The following CACNA2D1 variants were observed in gnomAD, a reference collection of about 807,000 sequenced individuals.
CACNA2D1 encodes calcium voltage-gated channel auxiliary subunit alpha2delta 1, also known as voltage-dependent calcium channel subunit alpha-2/delta-1.
CACNA2D1 carries 53 observed loss-of-function variants against 171.5 expected under a neutral mutation model. The observed-to-expected ratio is 0.31, with a 90% CI of 0.25 to 0.39. CACNA2D1 has a LOEUF of 0.39. CACNA2D1 is among the 10% of genes least tolerant of loss of function. CACNA2D1 has a pLI of 1.00. For missense variants in CACNA2D1, 903 were observed against 1,299.8 expected (o/e 0.69, Z 4.69); for synonymous variants, 442 against 443.1 (o/e 1.00, Z 0.03).
intron 1 of CACNA2D1, among the ~76,000 whole-genome samples, chr7:82,416,999 T>A (rs1237960760): frequency 2.0e-5 from 3 of 152,178 alleles, no homozygotes; most frequent in Admixed American, 6.5e-5. Flanking sequence ...GAAAGAGTGA[T>A]CCAGCATATG....
At chr7:82,209,554 C>T (rs1346348935) in intron 3 of CACNA2D1, among the ~76,000 whole-genome samples, 1 of 152,054 alleles carries the variant, frequency 6.6e-6, no homozygotes, top group Non-Finnish European at 1.5e-5. Context: ...TCATAAGCAG[C>T]CCCATGAATA....
At chr7:82,018,555 G>A (rs945092152) in intron 12 of CACNA2D1, among the ~76,000 whole-genome samples, 1 of 151,914 alleles carries the variant, frequency 6.6e-6, no homozygotes, top group Non-Finnish European at 1.5e-5. Context: ...CAACTTTTTA[G>A]GCAAAATATA....
intron 10 of CACNA2D1, chr7:82,050,457 T>C (rs182539350): frequency 7.9e-6 from 5 of 634,004 alleles, no homozygotes; most frequent in African/African-American, 5.5e-5. Context: ...AGGGGTCACC[T>C]GCATAGGTAG....
chr7:82,410,648 G>A (rs145070151), intron 1 of CACNA2D1: 97 of 294,390 alleles, frequency 3.3e-4, no homozygotes, highest in African/African-American at 1.5e-3. Context: ...GAGCAGGCGC[G>A]TAAGGGCAAA....
At chr7:82,228,671 A>T (rs759892480) in intron 3 of CACNA2D1, among the ~76,000 whole-genome samples, 2 of 152,164 alleles carry the variant, frequency 1.3e-5, no homozygotes, top group South Asian at 4.1e-4. Context: ...CCTACCTCAC[A>T]GGGTGGTGGT....
intron 3 of CACNA2D1, among the ~76,000 whole-genome samples, chr7:82,211,495 T>C (rs1020866793): frequency 2.0e-5 from 3 of 152,218 alleles, no homozygotes; most frequent in African/African-American, 7.2e-5. Context: ...TCACTTAGGA[T>C]AATGGCTGCC....
chr7:82,401,385 G>GA (rs1826390513), intron 1 of CACNA2D1, among the ~76,000 whole-genome samples: 2 of 150,200 alleles, frequency 1.3e-5, no homozygotes, highest in African/African-American at 4.9e-5. Context: ...CATAAAAAAT[G>GA]ATGAGTTCAT....
At chr7:82,361,273 G>GT (rs1221979134) in intron 1 of CACNA2D1, among the ~76,000 whole-genome samples, 1 of 152,016 alleles carries the variant, frequency 6.6e-6, no homozygotes, top group Non-Finnish European at 1.5e-5. Context: ...CCTAAACTAC[G>GT]TTTTTTACCA....
intron 3 of CACNA2D1, among the ~76,000 whole-genome samples, chr7:82,218,854 A>G (rs959208303): frequency 6.6e-6 from 1 of 151,766 alleles, no homozygotes; most frequent in Non-Finnish European, 1.5e-5. Flanking sequence ...ATTAATTAAA[A>G]TATCAAATAG....
intron 5 of CACNA2D1, among the ~76,000 whole-genome samples, chr7:82,136,100 A>C (rs942685849): frequency 1.3e-5 from 2 of 152,244 alleles, no homozygotes; most frequent in Non-Finnish European, 2.9e-5. Context: ...CATGTTTTCA[A>C]GTCATTTAAA....
At chr7:81,964,390 G>C in intron 32 of CACNA2D1, 31 bp from the exon 33 acceptor site, 1 of 1,597,214 alleles carries the variant, frequency 6.3e-7, no homozygotes, top group South Asian at 1.1e-5. Flanking sequence ...AAAGCAACGT[G>C]CACTTAAAAT....
intron 6 of CACNA2D1, among the ~76,000 whole-genome samples, chr7:82,091,978 G>A (rs1811228957): frequency 6.6e-6 from 1 of 152,152 alleles, no homozygotes; most frequent in Admixed American, 6.5e-5. Flanking sequence ...AACTGAATTA[G>A]CAAGCATATT....
chr7:82,358,510 G>A (rs942563413), intron 1 of CACNA2D1, among the ~76,000 whole-genome samples: 3 of 152,162 alleles, frequency 2.0e-5, no homozygotes, highest in African/African-American at 7.2e-5. Context: ...AACTTGTGAA[G>A]TGCTTTAGTA....
intron 6 of CACNA2D1, among the ~76,000 whole-genome samples, chr7:82,099,346 A>ATTTTATT (rs1381623948): frequency 1.3e-5 from 2 of 149,888 alleles, no homozygotes; most frequent in Non-Finnish European, 3.0e-5. Context: ...AAGCCAGTAC[A>ATTTTATT]TTTTATTACT....
intron 12 of CACNA2D1, among the ~76,000 whole-genome samples, chr7:82,022,072 T>C (rs932502767): frequency 2.0e-5 from 3 of 152,004 alleles, no homozygotes; most frequent in Non-Finnish European, 2.9e-5. Context: ...CAGTTTGTTT[T>C]AGATATTAAA....
intron 10 of CACNA2D1, among the ~76,000 whole-genome samples, chr7:82,060,222 A>ATATAT (rs1491236236): frequency 1.7e-5 from 1 of 58,796 alleles, no homozygotes; most frequent in South Asian, 5.4e-4. Context: ...ATATATATAT[A>ATATAT]ATATATATAT....
chr7:82,303,820 G>A (rs995327953), intron 3 of CACNA2D1, among the ~76,000 whole-genome samples: 1 of 152,036 alleles, frequency 6.6e-6, no homozygotes, highest in Non-Finnish European at 1.5e-5. Context: ...CAATTCTAAG[G>A]CCAGGACCTT....
chr7:82,442,728 T>A (rs927860908), intron 1 of CACNA2D1, among the ~76,000 whole-genome samples: 1 of 152,214 alleles, frequency 6.6e-6, no homozygotes, highest in African/African-American at 2.4e-5. Context: ...GACACTTAGA[T>A]GTTTCAAATA....
At chr7:81,981,971 CATATATGTGT>C (rs1796483309) in intron 24 of CACNA2D1, among the ~76,000 whole-genome samples, 1 of 152,042 alleles carries the variant, frequency 6.6e-6, no homozygotes, top group African/African-American at 2.4e-5. Context: ...AATATTGGTA[CATATATGTGT>C]ATATATGTGT....
Sources: gnomAD v4.1 joint callset for allele counts (sites outside exome capture counted in the v4.1 genomes callset) on GRCh38, gnomAD v4.1.1 for gene constraint, MANE v1.5 for transcripts, NCBI Gene and HGNC (gene_info 2026-07-23, HGNC 2026-07-21) for gene names.